TMEM233: variants seen among roughly 807,000 people sequenced by gnomAD.
TMEM233 encodes the protein dispanin subfamily B member 2.
In TMEM233, 6 loss-of-function variants were observed where a neutral mutation model predicts 11.2. That is an observed-to-expected ratio of 0.54 (90% CI 0.29 to 1.06). The LOEUF (loss-of-function observed/expected upper bound fraction) is 1.06. Ranked by LOEUF, TMEM233 falls within the 50% of genes least tolerant of loss-of-function variation. The pLI is 0.08. For synonymous variants in TMEM233, 59 were observed against 55.8 expected, an observed-to-expected ratio of 1.06 and a Z score of -0.26; for missense variants, 127 against 144.7, an observed-to-expected ratio of 0.88 and a Z score of 0.63.
At chr12:119,645,227 G>A (rs1265722032), downstream of TMEM233, among the ~76,000 whole-genome samples, 2 of 138,064 alleles carry the variant, frequency 1.4e-5, no homozygotes, top group African/African-American at 5.4e-5. Context: ...CAGGACAGCT[G>A]CATTCAGCAA....
intron 2 of TMEM233, among the ~76,000 whole-genome samples, chr12:119,636,389 A>G (rs1012955150): frequency 6.6e-6 from 1 of 152,174 alleles, no homozygotes; most frequent in Non-Finnish European, 1.5e-5. Flanking sequence ...TTATTATAGC[A>G]CAACATCACA....
At chr12:119,653,804 G>A in the TMEM233 span, among the ~76,000 whole-genome samples, 1 of 151,972 alleles carries the variant, frequency 6.6e-6, no homozygotes, top group African/African-American at 2.4e-5. Flanking sequence ...AATAAGCAGA[G>A]CTTCAGTGAT....
intron 1 of TMEM233, among the ~76,000 whole-genome samples, chr12:119,614,124 G>C (rs11064845): frequency 0.4 from 60,940 of 151,880 alleles, 13,929 homozygotes; most frequent in African/African-American, 0.61. Context: ...CACAATGTTC[G>C]AATCCCATCT....
chr12:119,619,810 A>T lies in TMEM233; in HGVS notation c.187-9926A>T, dbSNP rs193082481. Among the ~76,000 whole-genome samples the T allele has an allele frequency of 1.7e-4, 26 of 152,308 alleles. 1 individual carries two copies. The East Asian group carries it at 2.9e-3, about 17-fold the overall frequency. Reference sequence around the variant, plus strand: ...TATATTATTGAAGTTAATTTCACCTACTTATTTTTACTTTTTTGATGTGGT... The same window carrying T: ...TATATTATTGAAGTTAATTTCACCTTCTTATTTTTACTTTTTTGATGTGGT... On this transcript the variant is annotated intron_variant, in intron 1 of 2. Transcript: ENST00000426426.
At chr12:119,606,205 C>T (rs1954276037) in intron 1 of TMEM233, among the ~76,000 whole-genome samples, 1 of 152,138 alleles carries the variant, frequency 6.6e-6, no homozygotes, top group Non-Finnish European at 1.5e-5. Context: ...TATTGATCTA[C>T]TTAAAAAGAG....
At chr12:119,620,389 T>C (rs1278477945) in intron 1 of TMEM233, among the ~76,000 whole-genome samples, 1 of 152,208 alleles carries the variant, frequency 6.6e-6, no homozygotes, top group Non-Finnish European at 1.5e-5. Context: ...ATATACCCTT[T>C]GACACAACAA....
At chr12:119,607,683 A>C (rs1418579677) in intron 1 of TMEM233, among the ~76,000 whole-genome samples, 3 of 150,770 alleles carry the variant, frequency 2.0e-5, no homozygotes, top group Non-Finnish European at 4.4e-5. Context: ...AAAATGGTTC[A>C]CTGCAGCCCC....
chr12:119,629,788 G>A lies in TMEM233; in HGVS notation c.239G>A (p.Arg80Gln), dbSNP rs757010705. Residue 80 changes from arginine (R) to glutamine (Q), a missense_variant, in exon 2 of 3, where the codon CGG becomes CAG. Coordinates refer to ENST00000426426, the MANE Select transcript of TMEM233 (RefSeq NM_001136534.3). ...GDYEGARRLG[R>Q]NAKWVAIASI... ...TACGAAGGAGCCAGGCGGCTTGGGC[G>A]GAATGCTAAGTGGGTAGCCATCGCC... The A allele has an allele frequency of 8.6e-5, 134 of 1,551,502 alleles. No homozygotes were observed. Among genetic ancestry groups the A allele is most frequent in the African/African-American group, 1.1e-4 (8 of 73,038 alleles).
intron 1 of TMEM233, among the ~76,000 whole-genome samples, chr12:119,615,173 T>TAAAAAAAAACAAAAAAAA (rs1954496507): frequency 1.8e-5 from 1 of 56,184 alleles, no homozygotes; most frequent in East Asian, 7.4e-4. Context: ...CGCTTTCTGC[T>TAAAAAAAAACAAAAAAAA]AAAAAAAAAA....
chr12:119,594,565 G>A lies in TMEM233; in HGVS notation c.186+531G>A, dbSNP rs184771513. ...CCTTCTCTCTTTGCTGCGCCCAAGG[G>A]CACCGCTTCCGCCACTCTCCGGGGG... On this transcript the variant is annotated intron_variant, in intron 1 of 2. Coordinates refer to ENST00000426426, the MANE Select transcript of TMEM233 (RefSeq NM_001136534.3). The surrounding 1 kb of genome is among the most constrained non-coding windows in gnomAD (Gnocchi z 5.6). 326 of 153,548 alleles carry A rather than the reference G, an allele frequency of 2.1e-3. 4 individuals carry two copies. The highest frequency in any genetic ancestry group is 0.02 in the Admixed American group (305 of 15,334). The allele number at this position is 153,548 out of a possible 1,614,324, so 9.5% of individuals were successfully genotyped here.
intron 2 of TMEM233, among the ~76,000 whole-genome samples, chr12:119,638,376 C>T (rs1174024644): frequency 6.6e-6 from 1 of 152,092 alleles, no homozygotes; most frequent in Non-Finnish European, 1.5e-5. Flanking sequence ...GGTGTGAGGC[C>T]AGCTTGAGCC....
At chr12:119,633,115 C>G (rs571167194) in intron 2 of TMEM233, among the ~76,000 whole-genome samples, 2 of 152,254 alleles carry the variant, frequency 1.3e-5, no homozygotes, top group South Asian at 4.1e-4. Flanking sequence ...AGGTTAGAGC[C>G]TATGATTTAA....
At chr12:119,610,378 C>T (rs1442720517) in intron 1 of TMEM233, among the ~76,000 whole-genome samples, 2 of 152,108 alleles carry the variant, frequency 1.3e-5, no homozygotes, top group Non-Finnish European at 2.9e-5. Flanking sequence ...TGAGTTAAGA[C>T]TTTGGGTGAC....
the TMEM233 span, among the ~76,000 whole-genome samples, chr12:119,652,460 A>G: frequency 1.3e-5 from 2 of 152,348 alleles, no homozygotes; most frequent in South Asian, 4.1e-4. Flanking sequence ...AGGGTCAGTA[A>G]GAATCCTCAT....
chr12:119,601,671 A>T (rs1954170034), intron 1 of TMEM233, among the ~76,000 whole-genome samples: 1 of 152,082 alleles, frequency 6.6e-6, no homozygotes, highest in Non-Finnish European at 1.5e-5. Context: ...AAAAAAAAAA[A>T]AAAAAATAGT....
At position 119,595,728 on chromosome 12, in the gene TMEM233, C is replaced by T. The variant is rs1320882822; in HGVS notation, c.186+1694C>T. On this transcript the variant is annotated intron_variant, in intron 1 of 2. Coordinates refer to ENST00000426426, the MANE Select transcript of TMEM233 (RefSeq NM_001136534.3). This position sits in a 1 kb window ranked among gnomAD's most constrained non-coding sequence, Gnocchi z 4.3. ...CAAAATCTTTACTCAAATGTCACTT[C>T]ATGAGGCCTTCTGTGATTACTGTTT... Among the ~76,000 whole-genome samples, 1 of 152,230 alleles carries T rather than the reference C, an allele frequency of 6.6e-6. No individual in the cohort carries two copies. The highest frequency in any genetic ancestry group is 1.5e-5 in the Non-Finnish European group (1 of 68,046).
downstream of TMEM233, among the ~76,000 whole-genome samples, chr12:119,646,131 C>A (rs1041411286): frequency 6.6e-6 from 1 of 151,316 alleles, no homozygotes; most frequent in African/African-American, 2.4e-5. Context: ...GATCTTGGCT[C>A]ACTGCAACCT....
At chr12:119,598,879 A>C (rs1458332091) in intron 1 of TMEM233, among the ~76,000 whole-genome samples, 2 of 152,360 alleles carry the variant, frequency 1.3e-5, no homozygotes, top group Non-Finnish European at 2.9e-5. Flanking sequence ...AAAAGTTTTC[A>C]GGTCACTGCT....
Position 119,594,718 on chromosome 12 carries a change from G to A in TMEM233, c.186+684G>A, listed in dbSNP as rs989920618. Among the ~76,000 whole-genome samples, 2 of 151,946 alleles carry A rather than the reference G, an allele frequency of 1.3e-5. No individual in the cohort carries two copies. Among genetic ancestry groups the A allele is most frequent in the Admixed American group, 6.6e-5 (1 of 15,240 alleles). ...CAACTTCCTCTCCTTGCCTCCCTCC[G>A]GCGCCCCCTTTTTAACGCGCCCGAG... On this transcript the variant is annotated intron_variant, in intron 1 of 2. Coordinates refer to ENST00000426426, the MANE Select transcript of TMEM233 (RefSeq NM_001136534.3). This position sits in a 1 kb window ranked among gnomAD's most constrained non-coding sequence, Gnocchi z 5.6.
Sources: gnomAD v4.1 joint callset for allele counts (sites outside exome capture counted in the v4.1 genomes callset) on GRCh38, gnomAD v4.1.1 for gene constraint, Gnocchi (gnomAD v3.1) non-coding constraint, MANE v1.5 for transcripts, NCBI Gene and HGNC (gene_info 2026-07-23, HGNC 2026-07-21) for gene names.